The following FTCD variants were observed in gnomAD, a reference collection of about 807,000 sequenced individuals.
FTCD encodes the protein formimidoyltransferase cyclodeaminase.
In FTCD, 76 loss-of-function variants were observed where a neutral mutation model predicts 62.9. The observed-to-expected ratio is 1.21, with a 90% CI of 1.00 to 1.46. The LOEUF is 1.46. FTCD is among the 40% of genes most tolerant of loss of function. FTCD has a pLI of 0.00. For missense variants in FTCD, 845 were observed against 751.3 expected, an observed-to-expected ratio of 1.12 and a Z score of -1.46; for synonymous variants, 397 against 336.9, an observed-to-expected ratio of 1.18 and a Z score of -1.95.
chr21:46,145,900 G>C lies in FTCD; in HGVS notation c.1016C>G (p.Ser339Cys), dbSNP rs775567630. The change falls in exon 9 of 14, where the codon TCC becomes TGC. Residue 339 changes from serine (S) to cysteine (C), a missense_variant. Transcript: ENST00000397746. ...CACCTCCCCCACGAAGGCGCGCAGG[G>C]ACTTGCTGCCCAGGCCTCGCTCAGG... ...RGPERGLGSK[S>C]LRAFVGEVGA... is the part of the protein sequence containing the mutation. The C allele has an allele frequency of 6.7e-7, 1 of 1,495,228 alleles. No individual in the cohort carries two copies. Among genetic ancestry groups the C allele is most frequent in the African/African-American group, 1.5e-5 (1 of 66,934 alleles). The allele number at this position is 1,495,228 out of a possible 1,614,324, so 92.6% of individuals were successfully genotyped here.
downstream of FTCD, chr21:46,136,653 A>G (rs1036277770): frequency 9.5e-6 from 14 of 1,475,536 alleles, no homozygotes; most frequent in Non-Finnish European, 1.3e-5. Context: ...CTGTCTCCTC[A>G]CGCTGCAACC....
downstream of FTCD, chr21:46,136,729 G>A (rs1011666208): frequency 1.3e-4 from 190 of 1,477,076 alleles, no homozygotes; most frequent in East Asian, 3.0e-4. Context: ...CCCAAGACCC[G>A]CAGCTCAGCT....
intron 1 of FTCD, among the ~76,000 whole-genome samples, chr21:46,154,594 G>C (rs573181563): frequency 1.3e-5 from 2 of 152,226 alleles, no homozygotes; most frequent in African/African-American, 2.4e-5. Context: ...AGAGACTCAC[G>C]GGCTCTGCTC....
At chr21:46,152,742 G>A (rs1053203725) in intron 3 of FTCD, 165 bp downstream of exon 3, 13 of 614,184 alleles carry the variant, frequency 2.1e-5, no homozygotes, top group Non-Finnish European at 2.7e-5. Context: ...GCGAGGCTGC[G>A]TTTATTTCGG....
chr21:46,149,623 C>T (rs1209746908), intron 7 of FTCD, among the ~76,000 whole-genome samples: 6 of 152,204 alleles, frequency 3.9e-5, no homozygotes, highest in East Asian at 1.9e-4. Flanking sequence ...GCTCTGCAGA[C>T]GCTGCCACAC....
chr21:46,141,782 A>G (rs777923264), intron 10 of FTCD, among the ~76,000 whole-genome samples: 2 of 152,258 alleles, frequency 1.3e-5, no homozygotes, highest in Non-Finnish European at 2.9e-5. Flanking sequence ...GAGTCAAAAA[A>G]TATTCACCAG....
chr21:46,137,184 C>T, intron 13 of FTCD, 55 bp downstream of exon 13: 1 of 1,581,626 alleles, frequency 6.3e-7, no homozygotes, highest in Non-Finnish European at 8.7e-7. Context: ...CACCCTGAGG[C>T]TGTGAATCCA....
chr21:46,145,693 C>A, intron 9 of FTCD, 115 bp from the exon 10 acceptor site: 1 of 514,864 alleles, frequency 1.9e-6, no homozygotes, highest in Non-Finnish European at 2.7e-6. Flanking sequence ...GTGGCCCCCA[C>A]GTCTCCACCC....
rs746761567 is a variant in FTCD at position 46,151,602 on chromosome 21, G to A, written c.592C>T (p.Arg198Cys). The A allele has an allele frequency of 3.1e-5, 50 of 1,612,920 alleles. No homozygotes were observed. Among genetic ancestry groups the A allele is most frequent in the Admixed American group, 1.5e-4 (9 of 60,014 alleles). Reference protein sequence around the residue: ...NLLGTKEQAHRIALNLREQGR... With the variant: ...NLLGTKEQAHCIALNLREQGR... ...TGCTCCCGCAGGTTGAGCGCGATGC[G>A]GTGGGCTTGCTCCTTTGTGCCGAGC... Residue 198 changes from arginine (R) to cysteine (C), a missense_variant, in exon 5 of 14, where the codon CGC (arginine) becomes TGC (cysteine). By Grantham distance (180) the Arg-to-Cys change is radical. Transcript: ENST00000397746.
chr21:46,153,574 A>G (rs1428721137), intron 2 of FTCD, among the ~76,000 whole-genome samples: 2 of 152,112 alleles, frequency 1.3e-5, no homozygotes, highest in Non-Finnish European at 2.9e-5. Flanking sequence ...AGGGGACGCC[A>G]GCCTCCCCCG....
rs182016491 is a variant in FTCD, at chr21:46,139,524, T to G, written c.1261-601A>C. 1.3e-4 allele frequency among the ~76,000 whole-genome samples: 20 copies of G among 152,314 alleles called. No homozygotes were observed. The East Asian group carries it at 3.9e-3, about 29-fold the overall frequency. On this transcript the variant is annotated intron_variant, in intron 10 of 13. Transcript: ENST00000397746. Reference sequence around the variant, plus strand: ...CACTGGGAGCCCTACTCACACGGACTGTGGCCAGAGCCCTGGCCAAGGGGT... The same window carrying G: ...CACTGGGAGCCCTACTCACACGGACGGTGGCCAGAGCCCTGGCCAAGGGGT...
chr21:46,147,885 G>A (rs935196930), intron 7 of FTCD, among the ~76,000 whole-genome samples: 13 of 150,016 alleles, frequency 8.7e-5, no homozygotes, highest in Admixed American at 5.3e-4. Flanking sequence ...GGAGGTTGCA[G>A]TGAGCCGAGA....
At chr21:46,154,426 G>A in intron 1 of FTCD, 94 bp from the exon 2 acceptor site, 5 of 1,419,438 alleles carry the variant, frequency 3.5e-6, no homozygotes, top group Non-Finnish European at 4.8e-6. Context: ...CACAAATGGG[G>A]GCTGAGGAGG....
intron 10 of FTCD, among the ~76,000 whole-genome samples, chr21:46,145,115 C>A (rs1461041594): frequency 6.6e-6 from 1 of 152,226 alleles, no homozygotes; most frequent in Admixed American, 6.5e-5. Context: ...CTGTGGGGTC[C>A]CCCAAGCCTG....
chr21:46,149,566 G>A (rs1290229573), intron 7 of FTCD, among the ~76,000 whole-genome samples: 1 of 152,012 alleles, frequency 6.6e-6, no homozygotes, highest in East Asian at 1.9e-4. Context: ...GGCGGACAGC[G>A]GCTCTGCAGT....
chr21:46,150,829 G>A (rs1449490466), intron 5 of FTCD, among the ~76,000 whole-genome samples: 4 of 152,244 alleles, frequency 2.6e-5, no homozygotes, highest in Non-Finnish European at 5.9e-5. Context: ...GCTGAGGGGT[G>A]GGGCCCCAGG....
chr21:46,144,133 A>G (rs1000558227), intron 10 of FTCD, among the ~76,000 whole-genome samples: 3 of 151,794 alleles, frequency 2.0e-5, no homozygotes, highest in African/African-American at 7.3e-5. Flanking sequence ...GACCTTATCA[A>G]TCATTAAAGA....
At position 46,145,440 on chromosome 21, in the gene FTCD, C is replaced by T. The variant is rs1484336305; in HGVS notation, c.1237G>A (p.Ala413Thr). The T allele has an allele frequency of 1.3e-6, 2 of 1,556,404 alleles. No individual in the cohort carries two copies. Among genetic ancestry groups the T allele is most frequent in the South Asian group, 2.4e-5 (2 of 84,522 alleles). Residue 413 changes from alanine (A) to threonine (T), a missense_variant, in exon 10 of 14, where the codon GCC becomes ACC. Physicochemically the swap from Ala to Thr is moderately conservative, Grantham distance 58. Coordinates refer to ENST00000397746, the MANE Select transcript of FTCD (RefSeq NM_206965.2). ...AKLTTLVDAD[A>T]EAFTAYLEAM... The stretch of plus-strand genomic sequence containing the variant: ...ACCAGGTAGGCGGTGAAGGCCTCGG[C>T]GTCGGCATCCACCAGCGTGGTTAGC...
At chr21:46,140,703 T>C (rs79593732) in intron 10 of FTCD, among the ~76,000 whole-genome samples, 16 of 97,964 alleles carry the variant, frequency 1.6e-4, no homozygotes, top group African/African-American at 4.2e-4. Context: ...TGTAAACCAA[T>C]CCAGCACTCC....
Sources: gnomAD v4.1 joint callset for allele counts (sites outside exome capture counted in the v4.1 genomes callset) on GRCh38, gnomAD v4.1.1 for gene constraint, MANE v1.5 for transcripts, NCBI Gene and HGNC (gene_info 2026-07-23, HGNC 2026-07-21) for gene names.